The following ANKHD1 variants were observed in gnomAD, a reference collection of about 807,000 sequenced individuals.
The protein encoded by ANKHD1 is ankyrin repeat and KH domain containing 1.
Under a neutral mutation model 230.5 loss-of-function variants are expected in ANKHD1, and 31 were observed. The observed-to-expected ratio is 0.13, with a 90% CI of 0.10 to 0.18. The LOEUF (loss-of-function observed/expected upper bound fraction) is 0.18. Among genes scored for constraint, ANKHD1 ranks in the 10% least tolerant of loss-of-function variants. ANKHD1 has a pLI of 1.00. For missense variants in ANKHD1, 2,256 were observed against 3,071.3 expected, an observed-to-expected ratio of 0.73 and a Z score of 6.27; for synonymous variants, 1,074 against 1,117.6, an observed-to-expected ratio of 0.96 and a Z score of 0.78.
intron 6 of ANKHD1, among the ~76,000 whole-genome samples, chr5:140,448,001 T>A (rs967034161): frequency 2.6e-5 from 4 of 152,146 alleles, no homozygotes; most frequent in Non-Finnish European, 5.9e-5. Context: ...AATTAAAGAA[T>A]GCTGGGTGCA....
chr5:140,405,719 G>A (rs1005386370), intron 1 of ANKHD1, among the ~76,000 whole-genome samples: 3 of 152,022 alleles, frequency 2.0e-5, no homozygotes, highest in East Asian at 1.9e-4. Flanking sequence ...TGCAACCTCC[G>A]CCTCCTGGGT....
At chr5:140,427,442 C>A (rs1772573040) in intron 1 of ANKHD1, among the ~76,000 whole-genome samples, 2 of 135,578 alleles carry the variant, frequency 1.5e-5, no homozygotes, top group Non-Finnish European at 3.2e-5. Flanking sequence ...AACCTCTCTC[C>A]CGGACGGGGC....
chr5:140,449,675 AAAG>A (rs941122201), intron 7 of ANKHD1, among the ~76,000 whole-genome samples: 18 of 126,080 alleles, frequency 1.4e-4, no homozygotes, highest in African/African-American at 4.4e-4. Context: ...AAAAAAAAAA[AAAG>A]AGTTATTAAT....
intron 24 of ANKHD1, among the ~76,000 whole-genome samples, chr5:140,522,319 G>A (rs1451468792): frequency 6.6e-6 from 1 of 152,082 alleles, no homozygotes; most frequent in Admixed American, 6.6e-5. Flanking sequence ...TGCCAAATAC[G>A]AAAACAATTC....
At chr5:140,459,799 T>C (rs984391377) in intron 9 of ANKHD1, among the ~76,000 whole-genome samples, 1 of 152,176 alleles carries the variant, frequency 6.6e-6, no homozygotes, top group African/African-American at 2.4e-5. Context: ...TTAAAAATAC[T>C]GTTTAGAAAA....
intron 1 of ANKHD1, among the ~76,000 whole-genome samples, chr5:140,430,676 G>C (rs1176141804): frequency 7.9e-6 from 1 of 126,122 alleles, no homozygotes; most frequent in Non-Finnish European, 1.6e-5. Context: ...TTTTTTGACA[G>C]AGTCTCACTC....
At chr5:140,469,116 C>G (rs943056922) in intron 10 of ANKHD1, among the ~76,000 whole-genome samples, 2 of 151,900 alleles carry the variant, frequency 1.3e-5, no homozygotes, top group African/African-American at 4.8e-5. Flanking sequence ...CCTCCCTTCT[C>G]TCCTTCTCTC....
At chr5:140,427,978 C>T (rs1258530550) in intron 1 of ANKHD1, among the ~76,000 whole-genome samples, 1 of 151,532 alleles carries the variant, frequency 6.6e-6, no homozygotes, top group Non-Finnish European at 1.5e-5. Flanking sequence ...CAGGCAGAGA[C>T]ACTCCTCACA....
Position 140,510,462 on chromosome 5 carries a change from G to A in ANKHD1, c.4104+281G>A, listed in dbSNP as rs534170531. On this transcript the variant is annotated intron_variant, in intron 22 of 33. Transcript: ENST00000360839. Reference sequence around the variant, plus strand: ...TGAGTAGCTGGGATTACAGGCATGCGTCACCACACCCGGCTAATTTTTGTA... The same window carrying A: ...TGAGTAGCTGGGATTACAGGCATGCATCACCACACCCGGCTAATTTTTGTA... 5.3e-5 allele frequency among the ~76,000 whole-genome samples: 8 copies of A among 150,426 alleles called. No individual in the cohort carries two copies. The South Asian group carries it at 8.5e-4, about 16-fold the overall frequency.
In ANKHD1 at chr5:140,431,954, T is replaced by G. The variant is rs189749226; in HGVS notation, c.307-4150T>G. On this transcript the variant is annotated intron_variant, in intron 1 of 33. Coordinates refer to ENST00000360839, the MANE Select transcript of ANKHD1 (RefSeq NM_017747.3). ...AAGTCACTGCTACTGGTTCTTTCTC[T>G]CTCTAATGGTGGTAATCAGGCAGGC... Among the ~76,000 whole-genome samples the G allele has an allele frequency of 1.1e-3, 175 of 152,282 alleles. 1 individual carries two copies. The highest frequency in any genetic ancestry group is 5.1e-3 in the Admixed American group (78 of 15,302).
At chr5:140,489,379 A>G (rs568043191) in intron 14 of ANKHD1, among the ~76,000 whole-genome samples, 13 of 152,050 alleles carry the variant, frequency 8.5e-5, no homozygotes, top group African/African-American at 3.1e-4. Flanking sequence ...AGTCCCAGCT[A>G]CTCAGGAAGC....
At chr5:140,464,575 T>C (rs1775954995) in intron 9 of ANKHD1, 92 bp from the exon 10 acceptor site, 1 of 1,088,282 alleles carries the variant, frequency 9.2e-7, no homozygotes, top group Non-Finnish European at 1.2e-6. Flanking sequence ...TTTTCACATT[T>C]TGAATTCTTC....
rs368644918 is a variant in ANKHD1, at chr5:140,520,711, T to C, written c.4318-3355T>C. ...ACCAAACACCGCATATTCTCACTCA[T>C]AGGTGGGAATTGAACAATGAGAACA... On this transcript the variant is annotated intron_variant, in intron 24 of 33. Coordinates refer to ENST00000360839, the MANE Select transcript of ANKHD1 (RefSeq NM_017747.3). Among the ~76,000 whole-genome samples, 4 of 143,216 alleles carry C rather than the reference T, an allele frequency of 2.8e-5. No individual in the cohort carries two copies. The East Asian group carries it at 6.3e-4, about 23-fold the overall frequency. The allele number at this position is 143,216 out of a possible 152,430, so 94.0% of individuals were successfully genotyped here.
intron 1 of ANKHD1, among the ~76,000 whole-genome samples, chr5:140,408,869 T>C (rs1770695898): frequency 6.6e-6 from 1 of 152,104 alleles, no homozygotes; most frequent in South Asian, 2.1e-4. Flanking sequence ...CAGGGGACTA[T>C]AGGTGTGCAC....
At chr5:140,479,081 C>T (rs1288159042) in intron 10 of ANKHD1, among the ~76,000 whole-genome samples, 1 of 151,580 alleles carries the variant, frequency 6.6e-6, no homozygotes, top group Non-Finnish European at 1.5e-5. Flanking sequence ...TCGCTGCAAG[C>T]TCCGCCTTCT....
In ANKHD1 at chr5:140,446,020, C is replaced by T. The variant is rs531915718; in HGVS notation, c.1147+45C>T. 2.0e-6 allele frequency: 3 copies of T among 1,492,214 alleles called. No homozygotes were observed. In the Admixed American group the frequency reaches 6.3e-5, roughly 31 times the overall value. 92.4% of individuals were successfully genotyped at this position (1,492,214 alleles called of 1,614,324 possible). ...ATATTTATAATGTTTTTCGTAACCA[C>T]TTTGATTATTTGAGTATTGAGTATT... On this transcript the variant is annotated intron_variant, in intron 6 of 33. Coordinates refer to ENST00000360839, the MANE Select transcript of ANKHD1 (RefSeq NM_017747.3).
chr5:140,538,567 A>G lies in ANKHD1; in HGVS notation c.7404+306A>G, dbSNP rs562618311. 2.6e-5 allele frequency among the ~76,000 whole-genome samples: 4 copies of G among 152,340 alleles called. No individual in the cohort carries two copies. The East Asian group carries it at 7.7e-4, about 29-fold the overall frequency. On this transcript the variant is annotated intron_variant, in intron 32 of 33. Coordinates refer to ENST00000360839, the MANE Select transcript of ANKHD1 (RefSeq NM_017747.3). The stretch of plus-strand genomic sequence containing the variant: ...CACTGATGCTTTCTTGTCTGCTCTG[A>G]CAGCTTTATGTCGGCAATCAATTAT...
chr5:140,504,074 A>G (rs1396986939), intron 15 of ANKHD1, among the ~76,000 whole-genome samples: 2 of 146,540 alleles, frequency 1.4e-5, no homozygotes, highest in African/African-American at 5.0e-5. Flanking sequence ...TTTTTTTTAG[A>G]TGTAGTCTAG....
intron 15 of ANKHD1, among the ~76,000 whole-genome samples, chr5:140,502,953 A>G (rs1479508284): frequency 2.0e-5 from 3 of 152,170 alleles, no homozygotes; most frequent in Non-Finnish European, 4.4e-5. Flanking sequence ...TATTGCCAAG[A>G]TGGTTATATA....
Sources: gnomAD v4.1 joint callset for allele counts (sites outside exome capture counted in the v4.1 genomes callset) on GRCh38, gnomAD v4.1.1 for gene constraint, MANE v1.5 for transcripts, NCBI Gene and HGNC (gene_info 2026-07-23, HGNC 2026-07-21) for gene names.